CMTM7: variants seen among roughly 807,000 people sequenced by gnomAD.
CMTM7 encodes CKLF-like MARVEL transmembrane domain-containing protein 7.
In CMTM7, 7 loss-of-function variants were observed where a neutral mutation model predicts 19.3. The ratio of observed to expected loss-of-function variants is 0.36; its 90% CI spans 0.21 to 0.68. The LOEUF (loss-of-function observed/expected upper bound fraction) is 0.68. Ranked by LOEUF, CMTM7 falls within the 30% of genes least tolerant of loss-of-function variation. The probability of loss-of-function intolerance (pLI) is 0.60; values close to 1 mark genes in which losing one functional copy is unlikely to be tolerated. For missense variants in CMTM7, 193 were observed against 232.6 expected (o/e 0.83, Z 1.11); for synonymous variants, 87 against 99.3 (o/e 0.88, Z 0.74).
At chr3:32,443,194 G>A (rs2125640828) in intron 2 of CMTM7, among the ~76,000 whole-genome samples, 1 of 152,170 alleles carries the variant, frequency 6.6e-6, no homozygotes, top group South Asian at 2.1e-4. Context: ...AACCTCCCAG[G>A]CTCAGGTGAT....
At chr3:32,436,112 C>A (rs186499732) in intron 1 of CMTM7, among the ~76,000 whole-genome samples, 12 of 152,166 alleles carry the variant, frequency 7.9e-5, no homozygotes, top group South Asian at 6.2e-4. Context: ...CTCAGGACCC[C>A]GGACATATTT....
At chr3:32,393,030 C>A (rs1271187364) in intron 1 of CMTM7, among the ~76,000 whole-genome samples, 2 of 152,184 alleles carry the variant, frequency 1.3e-5, no homozygotes, top group East Asian at 3.9e-4. Context: ...GGGAGGGGAG[C>A]GGTAAGTTTC....
chr3:32,393,969 G>C (rs1695878187), intron 1 of CMTM7, among the ~76,000 whole-genome samples: 1 of 152,156 alleles, frequency 6.6e-6, no homozygotes, highest in Non-Finnish European at 1.5e-5. Context: ...TTCCAAAAAA[G>C]AGAACAAAGA....
chr3:32,441,556 T>G (rs1696675535), intron 1 of CMTM7, among the ~76,000 whole-genome samples: 1 of 152,318 alleles, frequency 6.6e-6, no homozygotes, highest in South Asian at 2.1e-4. Context: ...TTTTCCTGCT[T>G]CTTCTGAGGG....
intron 1 of CMTM7, among the ~76,000 whole-genome samples, chr3:32,436,112 C>T (rs186499732): frequency 1.3e-5 from 2 of 152,284 alleles, no homozygotes; most frequent in East Asian, 1.9e-4. Flanking sequence ...CTCAGGACCC[C>T]GGACATATTT....
intron 1 of CMTM7, among the ~76,000 whole-genome samples, chr3:32,392,518 A>G (rs1057484284): frequency 6.6e-6 from 1 of 152,154 alleles, no homozygotes; most frequent in Non-Finnish European, 1.5e-5. Context: ...CTTTCCTCCG[A>G]ACCCAGCGCG....
At chr3:32,413,580 A>T (rs1696212236) in intron 1 of CMTM7, among the ~76,000 whole-genome samples, 1 of 152,118 alleles carries the variant, frequency 6.6e-6, no homozygotes, top group African/African-American at 2.4e-5. Context: ...AGTGTTTCTC[A>T]TAGTTTTAGA....
intron 1 of CMTM7, among the ~76,000 whole-genome samples, chr3:32,400,364 T>C (rs1695983013): frequency 6.6e-6 from 1 of 151,478 alleles, no homozygotes; most frequent in African/African-American, 2.4e-5. Flanking sequence ...TCTATACATA[T>C]TTTGTAAATG....
intron 1 of CMTM7, among the ~76,000 whole-genome samples, chr3:32,392,347 C>G (rs568517677): frequency 6.6e-6 from 1 of 152,258 alleles, no homozygotes; most frequent in Non-Finnish European, 1.5e-5. Flanking sequence ...CCTGCGAAGC[C>G]TGACCCGCCT....
At chr3:32,434,044 C>G (rs1696560035) in intron 1 of CMTM7, among the ~76,000 whole-genome samples, 1 of 151,874 alleles carries the variant, frequency 6.6e-6, no homozygotes, top group African/African-American at 2.4e-5. Context: ...AAAAAAATAG[C>G]TGGGCCTGGT....
At chr3:32,441,332 C>A (rs962159645) in intron 1 of CMTM7, among the ~76,000 whole-genome samples, 1 of 152,172 alleles carries the variant, frequency 6.6e-6, no homozygotes, top group Non-Finnish European at 1.5e-5. Flanking sequence ...AGCGAGATCA[C>A]GTATGTCAGA....
chr3:32,401,423 A>C (rs997166889), intron 1 of CMTM7, among the ~76,000 whole-genome samples: 1 of 152,172 alleles, frequency 6.6e-6, no homozygotes, highest in Non-Finnish European at 1.5e-5. Context: ...TGGGTAGAGG[A>C]GGGGTTCGGG....
chr3:32,447,565 C>T (rs1273946615), intron 2 of CMTM7, among the ~76,000 whole-genome samples: 3 of 151,666 alleles, frequency 2.0e-5, no homozygotes, highest in Admixed American at 1.3e-4. Context: ...GTCTGTTTTT[C>T]TCCTTCATTT....
chr3:32,441,443 A>C (rs1696673979), intron 1 of CMTM7, among the ~76,000 whole-genome samples: 1 of 152,238 alleles, frequency 6.6e-6, no homozygotes, highest in South Asian at 2.1e-4. Context: ...AACTTCGTAC[A>C]ATTGGGCCTA....
rs745596835 is a variant in CMTM7 at position 32,449,526 on chromosome 3, A to G, written c.406A>G (p.Asn136Asp). The change falls in exon 3 of 5, where the codon AAC becomes GAC. Residue 136 changes from asparagine (N) to aspartate (D), a missense_variant. Coordinates refer to ENST00000334983, the MANE Select transcript of CMTM7 (RefSeq NM_138410.4). The surrounding 1 kb of genome is among the most constrained non-coding windows in gnomAD (Gnocchi z 4.5). ...CATTGTGGCAGCTTCCAAGAGTTACAACCAGAGCGGACTGGTAGCCGGAGC... is the reference window on the plus strand; with the variant it reads ...CATTGTGGCAGCTTCCAAGAGTTACGACCAGAGCGGACTGGTAGCCGGAGC... ...ASIVAASKSY[N>D]QSGLVAGAIF... is the part of the protein sequence containing the mutation. 1 of 1,614,092 alleles carries G rather than the reference A, an allele frequency of 6.2e-7. No homozygotes were observed. Among genetic ancestry groups the G allele is most frequent in the Non-Finnish European group, 8.5e-7 (1 of 1,179,946 alleles).
intron 1 of CMTM7, among the ~76,000 whole-genome samples, chr3:32,440,043 C>T (rs1407749275): frequency 6.6e-6 from 1 of 151,168 alleles, no homozygotes; most frequent in Non-Finnish European, 1.5e-5. Context: ...CATACGCTAA[C>T]ACACCCATAC....
chr3:32,439,292 C>T (rs951571637), intron 1 of CMTM7, among the ~76,000 whole-genome samples: 7 of 152,222 alleles, frequency 4.6e-5, no homozygotes, highest in Non-Finnish European at 7.3e-5. Context: ...AAGCAGAGCA[C>T]TCTCCATACC....
intron 1 of CMTM7, among the ~76,000 whole-genome samples, chr3:32,394,137 A>C (rs1159270683): frequency 6.6e-6 from 1 of 152,178 alleles, no homozygotes; most frequent in Non-Finnish European, 1.5e-5. Flanking sequence ...GGATGGCTGT[A>C]TTAGTCCTAG....
chr3:32,438,747 A>G (rs938137648), intron 1 of CMTM7, among the ~76,000 whole-genome samples: 6 of 152,222 alleles, frequency 3.9e-5, no homozygotes, highest in African/African-American at 1.2e-4. Context: ...TAGAGCAGGA[A>G]TGTACTTCCT....
Sources: allele counts gnomAD v4.1 joint callset (sites outside exome capture counted in the v4.1 genomes callset), GRCh38; gene constraint gnomAD v4.1.1; non-coding constraint Gnocchi (gnomAD v3.1); transcripts MANE v1.5; gene names NCBI Gene and HGNC (gene_info 2026-07-23, HGNC 2026-07-21).